The following LRRC4C variants were observed in gnomAD, a reference collection of about 807,000 sequenced individuals.
LRRC4C encodes leucine rich repeat containing 4C, also known as leucine-rich repeat-containing protein 4C.
In LRRC4C, 5 loss-of-function variants were observed where a neutral mutation model predicts 33.6. That is an observed-to-expected ratio of 0.15 (90% CI 0.08 to 0.31). LRRC4C has a LOEUF of 0.31. Ranked by LOEUF, LRRC4C falls within the 10% of genes least tolerant of loss-of-function variation. The pLI is 1.00. For synonymous variants in LRRC4C, 329 were observed against 302.0 expected (o/e 1.09, Z -0.93); for missense variants, 560 against 796.7 (o/e 0.70, Z 3.58).
chr11:40,500,216 A>C (rs912663739), intron 3 of LRRC4C, among the ~76,000 whole-genome samples: 1 of 150,040 alleles, frequency 6.7e-6, no homozygotes, highest in African/African-American at 2.4e-5. Context: ...TGCCAATGGC[A>C]TAAGATTGTT....
chr11:40,469,721 C>A (rs1207833362), intron 3 of LRRC4C, among the ~76,000 whole-genome samples: 1 of 152,136 alleles, frequency 6.6e-6, no homozygotes, highest in African/African-American at 2.4e-5. Context: ...ATCACTGAGG[C>A]TTGAGTAGGC....
intron 1 of LRRC4C, among the ~76,000 whole-genome samples, chr11:41,318,804 A>G (rs1565577362): frequency 6.6e-6 from 1 of 151,904 alleles, no homozygotes; most frequent in Non-Finnish European, 1.5e-5. Context: ...AAATTCCAGA[A>G]AAAAAAAACC....
At chr11:40,263,872 A>C (rs904927928) in intron 4 of LRRC4C, among the ~76,000 whole-genome samples, 3 of 152,186 alleles carry the variant, frequency 2.0e-5, no homozygotes, top group African/African-American at 7.2e-5. Context: ...TACCCAGATG[A>C]AGATCAAATC....
rs1335189533 is a variant in LRRC4C at position 40,501,750 on chromosome 11, G to A, written c.-270+146392C>T. The stretch of plus-strand genomic sequence containing the variant: ...CTGTGATGGGAGGGGCTGCCACGAA[G>A]GTCTCTGATATGTCCTGGAGACATT... On this transcript the variant is annotated intron_variant, in intron 3 of 6. Transcript: ENST00000528697. 2.0e-5 allele frequency among the ~76,000 whole-genome samples: 3 copies of A among 152,118 alleles called. No homozygotes were observed. The East Asian group carries it at 5.8e-4, about 29-fold the overall frequency.
rs115961520 is a variant in LRRC4C at position 40,381,170 on chromosome 11, T to C, written c.-269-61449A>G. On this transcript the variant is annotated intron_variant, in intron 3 of 6. Coordinates refer to ENST00000528697, the MANE Select transcript of LRRC4C (RefSeq NM_001258419.2). ...GACCTAGACAAAGAATTAGTCTTTGTTGGGAAAAGTATTAACCATTTAGTG... is the reference window on the plus strand; with the variant it reads ...GACCTAGACAAAGAATTAGTCTTTGCTGGGAAAAGTATTAACCATTTAGTG... Among the ~76,000 whole-genome samples, 1,151 of 152,090 alleles carry C rather than the reference T, an allele frequency of 7.6e-3. 15 individuals carry two copies. The highest frequency in any genetic ancestry group is 0.026 in the African/African-American group (1,065 of 41,482).
At chr11:40,794,833 CT>C (rs1565070695) in intron 2 of LRRC4C, among the ~76,000 whole-genome samples, 1 of 151,248 alleles carries the variant, frequency 6.6e-6, no homozygotes, top group Non-Finnish European at 1.5e-5. Flanking sequence ...AGTATCAACA[CT>C]TCTGTAAGTC....
At chr11:40,727,882 C>T (rs1353471552) in intron 2 of LRRC4C, among the ~76,000 whole-genome samples, 1 of 151,858 alleles carries the variant, frequency 6.6e-6, no homozygotes, top group Non-Finnish European at 1.5e-5. Flanking sequence ...AACCCTATCT[C>T]TACTAAAAAT....
chr11:40,226,225 C>A (rs1487692542), intron 5 of LRRC4C, among the ~76,000 whole-genome samples: 1 of 152,186 alleles, frequency 6.6e-6, no homozygotes, highest in African/African-American at 2.4e-5. Flanking sequence ...TCCACTATGA[C>A]TCAGATGAGT....
At chr11:41,216,099 G>A (rs1014463810) in intron 1 of LRRC4C, among the ~76,000 whole-genome samples, 2 of 152,208 alleles carry the variant, frequency 1.3e-5, no homozygotes, top group East Asian at 1.9e-4. Context: ...TCTTAAAGAA[G>A]CAAATGTCTG....
At chr11:40,245,799 T>C (rs1866282958) in intron 4 of LRRC4C, among the ~76,000 whole-genome samples, 1 of 152,098 alleles carries the variant, frequency 6.6e-6, no homozygotes, top group Non-Finnish European at 1.5e-5. Flanking sequence ...ATGCTACCAC[T>C]AGCATTGTGC....
intron 3 of LRRC4C, among the ~76,000 whole-genome samples, chr11:40,613,642 C>T (rs1961459711): frequency 6.6e-6 from 1 of 151,846 alleles, no homozygotes; most frequent in South Asian, 2.1e-4. Context: ...ATTTTAAATA[C>T]CATCTAGGAT....
chr11:40,337,967 G>A (rs1032400804), intron 3 of LRRC4C, among the ~76,000 whole-genome samples: 2 of 152,076 alleles, frequency 1.3e-5, no homozygotes, highest in African/African-American at 4.8e-5. Flanking sequence ...ATTACATGTG[G>A]TTCCCTAGAT....
intron 2 of LRRC4C, among the ~76,000 whole-genome samples, chr11:40,667,830 T>C (rs555485307): frequency 7.2e-5 from 11 of 152,180 alleles, no homozygotes; most frequent in Admixed American, 3.3e-4. Context: ...CTTGTAGTAG[T>C]AGGTATCTCT....
chr11:41,430,512 A>C (rs1044553910), intron 1 of LRRC4C, among the ~76,000 whole-genome samples: 2 of 152,126 alleles, frequency 1.3e-5, no homozygotes, highest in Non-Finnish European at 2.9e-5. Context: ...CAGGAATTCA[A>C]AGGGGATTGT....
chr11:40,484,477 C>A (rs903829600), intron 3 of LRRC4C, among the ~76,000 whole-genome samples: 3 of 151,764 alleles, frequency 2.0e-5, no homozygotes, highest in Non-Finnish European at 2.9e-5. Flanking sequence ...TAGTCCTTTT[C>A]TTAATACAAG....
At chr11:41,089,472 A>C (rs1412681802) in intron 1 of LRRC4C, among the ~76,000 whole-genome samples, 2 of 152,080 alleles carry the variant, frequency 1.3e-5, no homozygotes, top group African/African-American at 2.4e-5. Context: ...AATTCAGGAC[A>C]TTAACTGAGG....
At chr11:41,267,364 T>A (rs1392221424) in intron 1 of LRRC4C, among the ~76,000 whole-genome samples, 3 of 152,038 alleles carry the variant, frequency 2.0e-5, no homozygotes, top group African/African-American at 4.8e-5. Context: ...AACTTTTAAA[T>A]CAAATAAACA....
At chr11:40,188,302 A>G (rs576938108) in intron 5 of LRRC4C, among the ~76,000 whole-genome samples, 84 of 152,274 alleles carry the variant, frequency 5.5e-4, no homozygotes, top group African/African-American at 1.9e-3. Flanking sequence ...TATTTATTCT[A>G]TTCATCTCTC....
intron 2 of LRRC4C, among the ~76,000 whole-genome samples, chr11:40,664,327 C>T (rs1011108690): frequency 2.0e-5 from 3 of 152,070 alleles, no homozygotes; most frequent in African/African-American, 7.2e-5. Context: ...GGTGGATCGC[C>T]TGAGGTCAGG....
Sources: allele counts gnomAD v4.1 joint callset (sites outside exome capture counted in the v4.1 genomes callset), GRCh38; gene constraint gnomAD v4.1.1; transcripts MANE v1.5; gene names NCBI Gene and HGNC (gene_info 2026-07-23, HGNC 2026-07-21).